Variants in TTLL11 observed in about 807,000 individuals in gnomAD.
TTLL11 encodes tubulin polyglutamylase TTLL11.
A neutral mutation model predicts 51.7 loss-of-function variants in TTLL11; 42 were observed. The ratio of observed to expected loss-of-function variants is 0.81; its 90% CI spans 0.64 to 1.05. The LOEUF is 1.05. TTLL11 is among the 50% of genes least tolerant of loss of function. The probability of loss-of-function intolerance (pLI) is 0.00; values close to 1 mark genes in which losing one functional copy is unlikely to be tolerated. For missense variants in TTLL11, 799 were observed against 940.4 expected, an observed-to-expected ratio of 0.85 and a Z score of 1.97; for synonymous variants, 381 against 383.5, an observed-to-expected ratio of 0.99 and a Z score of 0.08.
Position 121,989,692 on chromosome 9 carries a change from C to A in TTLL11, c.772G>T (p.Gly258Ter), listed in dbSNP as rs1293014675. The A allele has an allele frequency of 6.2e-7, 1 of 1,613,880 alleles. No individual in the cohort carries two copies. Among genetic ancestry groups the A allele is most frequent in the African/African-American group, 1.3e-5 (1 of 75,020 alleles). Residue 258 changes from glycine (G) to a stop codon, truncating the protein, a stop_gained, in exon 4 of 9, where the codon GGA becomes TGA. Transcript: ENST00000321582. LOFTEE classifies it high-confidence loss of function. This position sits in a 1 kb window ranked among gnomAD's most constrained non-coding sequence, Gnocchi z 4.2. ...CTGGGGTCTTTAATGAGGTAGATTC[C>A]ATCACCCTGACAACCACCATCAGGT... is the stretch of plus-strand genomic sequence containing the variant. ...VKPDGGCQGD[G>*]IYLIKDPSDI...
intron 8 of TTLL11, among the ~76,000 whole-genome samples, chr9:121,835,144 C>T (rs553900738): frequency 2.8e-4 from 42 of 152,154 alleles, no homozygotes; most frequent in Non-Finnish European, 4.1e-4. Flanking sequence ...GAGGATTCCA[C>T]AAGTATTGGA....
Position 121,821,006 on chromosome 9 carries a change from T to A in TTLL11, c.*1581A>T, listed in dbSNP as rs1775273076. On this transcript the variant is annotated 3_prime_UTR_variant, in exon 9 of 9. Transcript: ENST00000321582. The surrounding 1 kb of genome is among the most constrained non-coding windows in gnomAD (Gnocchi z 5.0). ...GGTTTTCCTCTTTGAGAGGGTGAAC[T>A]CCTGGCAGGAAGGAGCTCCAGGCAA... 6.6e-6 allele frequency among the ~76,000 whole-genome samples: 1 copy of A among 151,792 alleles called. No individual in the cohort carries two copies. Among genetic ancestry groups the A allele is most frequent in the Non-Finnish European group, 1.5e-5 (1 of 67,944 alleles).
chr9:122,093,281 G>A lies in TTLL11; in HGVS notation c.-133C>T, dbSNP rs1293963546. On this transcript the variant is annotated 5_prime_UTR_variant, in exon 1 of 9. Coordinates refer to ENST00000321582, the MANE Select transcript of TTLL11 (RefSeq NM_001139442.2). ...CCCGCCCGAGCCCGTTGCCATGATC[G>A]CTCAGGCTCGGGTTGACAGCGGCAG... 1.3e-6 allele frequency: 2 copies of A among 1,559,598 alleles called. No homozygotes were observed. Among genetic ancestry groups the A allele is most frequent in the Non-Finnish European group, 1.7e-6 (2 of 1,163,134 alleles).
At chr9:122,046,478 C>T (rs1013852991) in intron 1 of TTLL11, among the ~76,000 whole-genome samples, 13 of 152,136 alleles carry the variant, frequency 8.5e-5, no homozygotes, top group South Asian at 6.2e-4. Flanking sequence ...CAGACTAATA[C>T]GCCCCCTGCA....
At chr9:121,867,595 C>T (rs1001166591) in intron 7 of TTLL11, among the ~76,000 whole-genome samples, 4 of 152,162 alleles carry the variant, frequency 2.6e-5, no homozygotes, top group African/African-American at 9.7e-5. Context: ...ACCTTTCTAA[C>T]TTCTAAATTT....
At chr9:122,071,712 C>T (rs1460209922) in intron 1 of TTLL11, among the ~76,000 whole-genome samples, 2 of 152,176 alleles carry the variant, frequency 1.3e-5, no homozygotes, top group Non-Finnish European at 2.9e-5. Flanking sequence ...TGATCAGGTA[C>T]CTGGCCTGAA....
intron 1 of TTLL11, among the ~76,000 whole-genome samples, chr9:122,047,600 A>G (rs1373215885): frequency 6.6e-6 from 1 of 152,160 alleles, no homozygotes; most frequent in Non-Finnish European, 1.5e-5. Flanking sequence ...ATGTTGTAAA[A>G]GCAAGGGAAA....
At chr9:121,873,561 C>T (rs1220667453) in intron 6 of TTLL11, among the ~76,000 whole-genome samples, 1 of 151,966 alleles carries the variant, frequency 6.6e-6, no homozygotes, top group Non-Finnish European at 1.5e-5. Context: ...ATCCACCTGC[C>T]TCAGCCTTCC....
At chr9:122,019,964 C>CT (rs1363805308) in intron 3 of TTLL11, among the ~76,000 whole-genome samples, 1 of 152,194 alleles carries the variant, frequency 6.6e-6, no homozygotes, top group East Asian at 1.9e-4. Context: ...TAAGATGTGC[C>CT]TTTCGCCTTC....
At chr9:121,961,907 T>G (rs1373761582) in intron 6 of TTLL11, among the ~76,000 whole-genome samples, 2 of 151,928 alleles carry the variant, frequency 1.3e-5, no homozygotes, top group Non-Finnish European at 2.9e-5. Flanking sequence ...AATACAAAAA[T>G]TAGCCAGGCG....
chr9:121,926,916 G>A (rs186798444), intron 6 of TTLL11, among the ~76,000 whole-genome samples: 5 of 152,312 alleles, frequency 3.3e-5, no homozygotes, highest in Admixed American at 2.6e-4. Context: ...GTTCTGACAA[G>A]GATCCTCTTG....
chr9:121,917,088 C>A (rs898841926), intron 6 of TTLL11, among the ~76,000 whole-genome samples: 2 of 152,184 alleles, frequency 1.3e-5, no homozygotes, highest in African/African-American at 4.8e-5. Flanking sequence ...ATGGGCCCAT[C>A]CCCCTTGACA....
intron 1 of TTLL11, among the ~76,000 whole-genome samples, chr9:122,040,558 C>T (rs1431446385): frequency 3.9e-5 from 6 of 152,086 alleles, no homozygotes; most frequent in African/African-American, 1.4e-4. Context: ...AATAGATATG[C>T]CAACATATTA....
intron 8 of TTLL11, among the ~76,000 whole-genome samples, chr9:121,858,775 G>A (rs1277178335): frequency 2.0e-5 from 3 of 152,228 alleles, no homozygotes; most frequent in Admixed American, 6.5e-5. Context: ...GATTGTTGGC[G>A]CCATTTTACA....
rs1838322351 is a variant in TTLL11, at chr9:121,870,549, C to G, written c.1681G>C (p.Gly561Arg). The change falls in exon 7 of 9, where the codon GGC (glycine) becomes CGC (arginine). Residue 561 changes from glycine (G) to arginine (R), a missense_variant. Transcript: ENST00000321582. ...RMANLFIRFL[G>R]IKGTMKLGPT... ...CCCAACTTCATTGTCCCCTTGATGC[C>G]CAGGAACCGGATAAACAAATTTGCC... The G allele has an allele frequency of 1.3e-6, 2 of 1,551,502 alleles. No homozygotes were observed. The highest frequency in any genetic ancestry group is 1.4e-5 in the African/African-American group (1 of 73,008).
chr9:121,870,155 T>C (rs1416290220), intron 7 of TTLL11, among the ~76,000 whole-genome samples: 1 of 152,194 alleles, frequency 6.6e-6, no homozygotes, highest in Admixed American at 6.5e-5. Context: ...CACACAGCCA[T>C]GCACCACTGG....
At chr9:122,052,839 C>T (rs566663914) in intron 1 of TTLL11, among the ~76,000 whole-genome samples, 1 of 152,308 alleles carries the variant, frequency 6.6e-6, no homozygotes, top group East Asian at 1.9e-4. Flanking sequence ...AATCTCAGCC[C>T]TGCCAACTAT....
intron 4 of TTLL11, among the ~76,000 whole-genome samples, chr9:121,977,744 G>C (rs10818614): frequency 0.4 from 60,391 of 150,228 alleles, 13,147 homozygotes; most frequent in East Asian, 0.65. Flanking sequence ...GCACCATCTC[G>C]GCTCACTGCA....
At chr9:121,999,262 A>G (rs1404663060) in intron 3 of TTLL11, among the ~76,000 whole-genome samples, 2 of 152,196 alleles carry the variant, frequency 1.3e-5, no homozygotes, top group Admixed American at 1.3e-4. Flanking sequence ...CAGTTAAAGT[A>G]TGCCCCAAAA....
Sources: allele counts gnomAD v4.1 joint callset (sites outside exome capture counted in the v4.1 genomes callset), GRCh38; gene constraint gnomAD v4.1.1; non-coding constraint Gnocchi (gnomAD v3.1); transcripts MANE v1.5; gene names NCBI Gene and HGNC (gene_info 2026-07-23, HGNC 2026-07-21).